Variants in ZNF385B observed in about 807,000 individuals in gnomAD.
ZNF385B encodes zinc finger protein 385B.
A neutral mutation model predicts 39.2 loss-of-function variants in ZNF385B; 23 were observed. That is an observed-to-expected ratio of 0.59 (90% CI 0.42 to 0.83). The LOEUF (loss-of-function observed/expected upper bound fraction) is 0.83. ZNF385B is among the 40% of genes least tolerant of loss of function. The pLI, the probability that ZNF385B is intolerant of heterozygous loss-of-function variation, is 0.00. For synonymous variants in ZNF385B, 205 were observed against 222.6 expected, an observed-to-expected ratio of 0.92 and a Z score of 0.70; for missense variants, 552 against 598.9, an observed-to-expected ratio of 0.92 and a Z score of 0.82.
chr2:179,659,377 A>G (rs1231403673), intron 3 of ZNF385B, among the ~76,000 whole-genome samples: 1 of 152,180 alleles, frequency 6.6e-6, no homozygotes, highest in Non-Finnish European at 1.5e-5. Context: ...TTTATCAATG[A>G]AGCATTTTTA....
chr2:179,608,194 A>G (rs1273255955), intron 3 of ZNF385B, among the ~76,000 whole-genome samples: 1 of 152,174 alleles, frequency 6.6e-6, no homozygotes, highest in Admixed American at 6.5e-5. Flanking sequence ...GATTACAGGC[A>G]TAAGCCACTG....
intron 3 of ZNF385B, among the ~76,000 whole-genome samples, chr2:179,638,040 T>C (rs1241168685): frequency 6.6e-6 from 1 of 152,112 alleles, no homozygotes; most frequent in African/African-American, 2.4e-5. Flanking sequence ...TCAAAACAGA[T>C]TAAATCAACA....
At chr2:179,507,329 CCTGGTTTAGCT>C (rs1230476804) in intron 5 of ZNF385B, among the ~76,000 whole-genome samples, 1 of 152,040 alleles carries the variant, frequency 6.6e-6, no homozygotes, top group African/African-American at 2.4e-5. Flanking sequence ...CTCAACAAGC[CCTGGTTTAGCT>C]CTAATATTTT....
chr2:179,459,467 A>C (rs1175768702), intron 6 of ZNF385B, among the ~76,000 whole-genome samples: 1 of 152,100 alleles, frequency 6.6e-6, no homozygotes, highest in Non-Finnish European at 1.5e-5. Flanking sequence ...CATCCATTCA[A>C]CAACTACTGA....
chr2:179,755,322 T>C (rs1702943440), intron 3 of ZNF385B, among the ~76,000 whole-genome samples: 1 of 152,246 alleles, frequency 6.6e-6, no homozygotes, highest in Non-Finnish European at 1.5e-5. Context: ...TCTGTTCTTT[T>C]ACATTTGCTG....
intron 3 of ZNF385B, among the ~76,000 whole-genome samples, chr2:179,629,322 T>C (rs189173542): frequency 6.6e-6 from 1 of 152,358 alleles, no homozygotes; most frequent in East Asian, 1.9e-4. Context: ...AGAGCAAATG[T>C]TGCCAATTTA....
chr2:179,607,021 G>A (rs1574964191), intron 3 of ZNF385B, among the ~76,000 whole-genome samples: 1 of 152,082 alleles, frequency 6.6e-6, no homozygotes, highest in East Asian at 1.9e-4. Context: ...TGCTTATCTG[G>A]ATTTATCGAT....
At chr2:179,702,170 G>A (rs1407216242) in intron 3 of ZNF385B, among the ~76,000 whole-genome samples, 8 of 151,924 alleles carry the variant, frequency 5.3e-5, no homozygotes, top group African/African-American at 1.9e-4. Flanking sequence ...TGTTTTCAGG[G>A]TATTTTAACA....
chr2:179,650,344 A>G (rs576139528), intron 3 of ZNF385B, among the ~76,000 whole-genome samples: 1 of 152,330 alleles, frequency 6.6e-6, no homozygotes, highest in South Asian at 2.1e-4. Context: ...ATTTAGTTCC[A>G]TTATATCAAA....
chr2:179,552,255 C>T lies in ZNF385B; in HGVS notation c.299-7286G>A, dbSNP rs923640072. 4.7e-5 allele frequency among the ~76,000 whole-genome samples: 7 copies of T among 149,156 alleles called. 2 individuals are homozygous for T. Among genetic ancestry groups the T allele is most frequent in the Non-Finnish European group, 1.0e-4 (7 of 67,522 alleles). ...ATAACTTTGAGACTTCCTAGTGGCT[C>T]TTCTTTATATGCCAAAACAGAAGCA... On this transcript the variant is annotated intron_variant, in intron 3 of 9. Transcript: ENST00000410066.
intron 3 of ZNF385B, among the ~76,000 whole-genome samples, chr2:179,690,646 T>C (rs999194702): frequency 6.6e-6 from 1 of 152,200 alleles, no homozygotes; most frequent in East Asian, 1.9e-4. Context: ...TGTTGTAGCA[T>C]AGAAAGAAAC....
intron 1 of ZNF385B, among the ~76,000 whole-genome samples, chr2:179,859,948 G>T (rs1684907629): frequency 6.6e-6 from 1 of 152,186 alleles, no homozygotes; most frequent in Non-Finnish European, 1.5e-5. Flanking sequence ...ACTTACCTAA[G>T]ATGTAGCTTA....
At chr2:179,801,217 G>A (rs1706011155) in intron 1 of ZNF385B, among the ~76,000 whole-genome samples, 1 of 152,060 alleles carries the variant, frequency 6.6e-6, no homozygotes, top group Non-Finnish European at 1.5e-5. Context: ...CTATGGAGTT[G>A]TTACTAGGAA....
At chr2:179,557,002 A>T (rs1217910438) in intron 3 of ZNF385B, among the ~76,000 whole-genome samples, 2 of 149,408 alleles carry the variant, frequency 1.3e-5, no homozygotes, top group African/African-American at 5.0e-5. Context: ...GGAAAAGTGT[A>T]ACAATGTTAC....
intron 4 of ZNF385B, among the ~76,000 whole-genome samples, chr2:179,530,704 G>A (rs914109982): frequency 8.5e-5 from 13 of 152,268 alleles, no homozygotes; most frequent in African/African-American, 2.9e-4. Context: ...ATTTCTGTTC[G>A]AATATATTTC....
intron 3 of ZNF385B, among the ~76,000 whole-genome samples, chr2:179,753,585 A>G (rs1291280069): frequency 6.6e-5 from 10 of 152,110 alleles, no homozygotes; most frequent in Admixed American, 6.5e-4. Flanking sequence ...GAATTCTTCC[A>G]TTTGTTTGTT....
At chr2:179,459,548 C>G (rs935886673) in intron 6 of ZNF385B, among the ~76,000 whole-genome samples, 63 of 151,492 alleles carry the variant, frequency 4.2e-4, no homozygotes, top group African/African-American at 1.3e-3. Flanking sequence ...AAGTCTCTGA[C>G]TCAGTGGAAT....
intron 4 of ZNF385B, among the ~76,000 whole-genome samples, chr2:179,519,426 A>AC (rs2058327582): frequency 6.6e-6 from 1 of 152,202 alleles, no homozygotes; most frequent in Admixed American, 6.5e-5. Flanking sequence ...CTGACATGCA[A>AC]CCCTTGGTTA....
At chr2:179,769,414 A>G in intron 3 of ZNF385B, 89 bp downstream of exon 3, 2 of 1,546,186 alleles carry the variant, frequency 1.3e-6, no homozygotes, top group Non-Finnish European at 8.7e-7. Context: ...GTTTTAAGGT[A>G]AAAATTAAGT....
Sources: gnomAD v4.1 joint callset for allele counts (sites outside exome capture counted in the v4.1 genomes callset) on GRCh38, gnomAD v4.1.1 for gene constraint, MANE v1.5 for transcripts, NCBI Gene and HGNC (gene_info 2026-07-23, HGNC 2026-07-21) for gene names.